The following PDE1A variants were observed in gnomAD, a reference collection of about 807,000 sequenced individuals.
PDE1A encodes the protein dual specificity calcium/calmodulin-dependent 3',5'-cyclic nucleotide phosphodiesterase 1A.
In PDE1A, 35 loss-of-function variants were observed where a neutral mutation model predicts 61.7. The ratio of observed to expected loss-of-function variants is 0.57; its 90% CI spans 0.43 to 0.75. PDE1A has a LOEUF of 0.75. Ranked by LOEUF, PDE1A falls within the 30% of genes least tolerant of loss-of-function variation. The pLI is 0.00. For missense variants in PDE1A, 597 were observed against 630.6 expected (o/e 0.95, Z 0.57); for synonymous variants, 232 against 213.2 (o/e 1.09, Z -0.77).
the PDE1A span, among the ~76,000 whole-genome samples, chr2:182,670,126 C>G: frequency 6.6e-6 from 1 of 152,222 alleles, no homozygotes; most frequent in Non-Finnish European, 1.5e-5. Flanking sequence ...ATTCTCTCTT[C>G]CCTGTATATA....
chr2:182,184,442 C>T (rs1410138753), intron 13 of PDE1A, among the ~76,000 whole-genome samples: 1 of 151,622 alleles, frequency 6.6e-6, no homozygotes, highest in Non-Finnish European at 1.5e-5. Context: ...ATTAAAAGTG[C>T]TAAAATAAAA....
intron 2 of PDE1A, among the ~76,000 whole-genome samples, chr2:182,485,572 CT>C (rs1192855670): frequency 6.6e-6 from 1 of 151,928 alleles, no homozygotes; most frequent in East Asian, 1.9e-4. Context: ...AAATATACCA[CT>C]TTTTGTGAAA....
chr2:182,695,311 A>G, the PDE1A span, among the ~76,000 whole-genome samples: 1 of 152,104 alleles, frequency 6.6e-6, no homozygotes, highest in South Asian at 2.1e-4. Context: ...CAAACCAGAA[A>G]ACATCAAGCA....
intron 1 of PDE1A, among the ~76,000 whole-genome samples, chr2:182,416,433 A>G (rs550059631): frequency 6.6e-6 from 1 of 152,324 alleles, no homozygotes; most frequent in African/African-American, 2.4e-5. Flanking sequence ...ATAATGTGAC[A>G]TCGTTCATCC....
the PDE1A span, among the ~76,000 whole-genome samples, chr2:182,652,197 T>G: frequency 2.0e-5 from 3 of 152,224 alleles, no homozygotes; most frequent in Admixed American, 2.0e-4. Context: ...TCTTCAAGCT[T>G]CTTTGCCAAT....
exon 15 of PDE1A, chr2:182,141,526 G>C (rs1167835553): frequency 1.3e-5 from 2 of 152,078 alleles, no homozygotes. Flanking sequence ...CTAAAGCTAA[G>C]GATCTATTCA....
chr2:182,517,394 C>T (rs1690273164), intron 2 of PDE1A, among the ~76,000 whole-genome samples: 1 of 152,196 alleles, frequency 6.6e-6, no homozygotes, highest in Admixed American at 6.5e-5. Flanking sequence ...GTTTTAGTCA[C>T]TATTTTCGCA....
rs976912262 is a variant in PDE1A, at chr2:182,190,657, T to G, written c.1126-1597A>C. On this transcript the variant is annotated intron_variant, in intron 10 of 13. Transcript: ENST00000351439. ...ACACTTAGTAGTCATTAAGTTTAGC[T>G]AATAAGAAACATAATTTAGGTCAGG... Among the ~76,000 whole-genome samples, 31 of 152,090 alleles carry G rather than the reference T, an allele frequency of 2.0e-4. 1 individual carries two copies. Among genetic ancestry groups the G allele is most frequent in the African/African-American group, 7.5e-4 (31 of 41,438 alleles).
At chr2:182,662,848 A>C in the PDE1A span, among the ~76,000 whole-genome samples, 2 of 152,234 alleles carry the variant, frequency 1.3e-5, no homozygotes, top group Non-Finnish European at 2.9e-5. Flanking sequence ...ATTAAAATTA[A>C]GAGTTTCTGC....
chr2:182,598,103 A>T, the PDE1A span, among the ~76,000 whole-genome samples: 8 of 152,250 alleles, frequency 5.3e-5, no homozygotes, highest in African/African-American at 1.9e-4. Flanking sequence ...ATTAAGTCCT[A>T]TGCACAGCCA....
chr2:182,495,267 C>G (rs748523848), intron 2 of PDE1A, among the ~76,000 whole-genome samples: 6 of 152,184 alleles, frequency 3.9e-5, no homozygotes, highest in Non-Finnish European at 8.8e-5. Context: ...ACAGAGCTCA[C>G]TTCAAATAAA....
At chr2:182,569,846 G>T in the PDE1A span, among the ~76,000 whole-genome samples, 1 of 152,110 alleles carries the variant, frequency 6.6e-6, no homozygotes, top group African/African-American at 2.4e-5. Flanking sequence ...ACCTTCTTTC[G>T]ATACTACTCT....
At chr2:182,206,361 G>A (rs890151029) in intron 7 of PDE1A, among the ~76,000 whole-genome samples, 2 of 152,106 alleles carry the variant, frequency 1.3e-5, no homozygotes, top group African/African-American at 2.4e-5. Context: ...TCCCCAACAA[G>A]AGTGGTATTT....
chr2:182,374,091 A>T (rs916433134), intron 1 of PDE1A, among the ~76,000 whole-genome samples: 1 of 152,224 alleles, frequency 6.6e-6, no homozygotes, highest in African/African-American at 2.4e-5. Context: ...TGTTCAAAAA[A>T]TTAAAAATTT....
chr2:182,544,286 T>C, the PDE1A span, among the ~76,000 whole-genome samples: 20 of 152,154 alleles, frequency 1.3e-4, no homozygotes, highest in African/African-American at 4.8e-4. Context: ...GGACTAGCCC[T>C]GACAGATAGT....
the PDE1A span, among the ~76,000 whole-genome samples, chr2:182,582,950 C>A: frequency 2.0e-5 from 3 of 152,098 alleles, no homozygotes; most frequent in Non-Finnish European, 4.4e-5. Context: ...ATAAAAAGAA[C>A]TGAAAATGGG....
intron 2 of PDE1A, among the ~76,000 whole-genome samples, chr2:182,465,145 T>G (rs28666451): frequency 0.075 from 11,452 of 152,240 alleles, 454 homozygotes; most frequent in Middle Eastern, 0.11. Flanking sequence ...GAACAGTGCC[T>G]TTATTTCATA....
At chr2:182,406,657 A>C (rs1295517335) in intron 1 of PDE1A, among the ~76,000 whole-genome samples, 1 of 152,172 alleles carries the variant, frequency 6.6e-6, no homozygotes, top group African/African-American at 2.4e-5. Flanking sequence ...TGTATAAAAA[A>C]TTATTATCAG....
chr2:182,234,071 T>G (rs914365380), intron 4 of PDE1A, among the ~76,000 whole-genome samples: 2 of 152,220 alleles, frequency 1.3e-5, no homozygotes, highest in Non-Finnish European at 2.9e-5. Context: ...TTTTATAACA[T>G]GCATTTAACT....
Sources: gnomAD v4.1 joint callset for allele counts (sites outside exome capture counted in the v4.1 genomes callset) on GRCh38, gnomAD v4.1.1 for gene constraint, MANE v1.5 for transcripts, NCBI Gene and HGNC (gene_info 2026-07-23, HGNC 2026-07-21) for gene names.